CTNNA2: variants seen among roughly 807,000 people sequenced by gnomAD.
CTNNA2 encodes the protein catenin alpha 2.
A neutral mutation model predicts 101.0 loss-of-function variants in CTNNA2; 42 were observed. The observed-to-expected ratio is 0.42, with a 90% CI of 0.32 to 0.54. The LOEUF (loss-of-function observed/expected upper bound fraction) is 0.54. Among genes scored for constraint, CTNNA2 ranks in the 20% least tolerant of loss-of-function variants. The probability of loss-of-function intolerance (pLI) is 0.14; values close to 1 mark genes in which losing one functional copy is unlikely to be tolerated. For synonymous variants in CTNNA2, 450 were observed against 456.4 expected (o/e 0.99, Z 0.18); for missense variants, 871 against 1,223.1 (o/e 0.71, Z 4.29).
At chr2:79,357,487 G>A (rs1385224643) in intron 3 of CTNNA2, among the ~76,000 whole-genome samples, 1 of 151,894 alleles carries the variant, frequency 6.6e-6, no homozygotes, top group African/African-American at 2.4e-5. Flanking sequence ...AGACATATAG[G>A]GCAAGGTGAA....
chr2:79,763,661 T>C (rs1200720463), intron 3 of CTNNA2, among the ~76,000 whole-genome samples: 1 of 152,222 alleles, frequency 6.6e-6, no homozygotes, highest in Non-Finnish European at 1.5e-5. Flanking sequence ...TATGATCTGG[T>C]AATATCATCC....
At chr2:80,163,613 T>C (rs569536280) in intron 7 of CTNNA2, among the ~76,000 whole-genome samples, 18 of 152,268 alleles carry the variant, frequency 1.2e-4, no homozygotes, top group African/African-American at 4.3e-4. Flanking sequence ...AAGTGTTGGC[T>C]ATATCCTAAT....
intron 7 of CTNNA2, among the ~76,000 whole-genome samples, chr2:80,216,162 C>T (rs1165199930): frequency 2.0e-5 from 3 of 152,180 alleles, no homozygotes; most frequent in Non-Finnish European, 4.4e-5. Flanking sequence ...CCGTCTGTCA[C>T]GGCTTCCCTT....
chr2:80,083,865 T>G (rs1699293933), intron 7 of CTNNA2, among the ~76,000 whole-genome samples: 1 of 152,184 alleles, frequency 6.6e-6, no homozygotes, highest in Non-Finnish European at 1.5e-5. Context: ...GAAATTACTT[T>G]GTGAGGTATG....
intron 2 of CTNNA2, among the ~76,000 whole-genome samples, chr2:79,664,872 C>T (rs1316664769): frequency 2.6e-5 from 4 of 151,736 alleles, no homozygotes; most frequent in African/African-American, 7.3e-5. Flanking sequence ...CCAACACGCC[C>T]GGCTAATTTT....
At chr2:79,882,460 CA>C in intron 6 of CTNNA2, among the ~76,000 whole-genome samples, 1 of 152,324 alleles carries the variant, frequency 6.6e-6, no homozygotes, top group East Asian at 1.9e-4. Context: ...ATGGATGGGT[CA>C]GGCTCAGGCC....
intron 3 of CTNNA2, among the ~76,000 whole-genome samples, chr2:79,313,815 GGT>G (rs1466695627): frequency 6.6e-6 from 1 of 152,054 alleles, no homozygotes. Context: ...CAGGGATTGG[GGT>G]GTGTGTGTTT....
rs200314564 is a variant in CTNNA2, at chr2:79,814,640, T to C, written c.299-43373T>C. On this transcript the variant is annotated intron_variant, in intron 3 of 18. Transcript: ENST00000402739. ...ACACACACACACACACACACACACA[T>C]ATATATATATATCACAGTTTCTTTA... 7.9e-3 allele frequency among the ~76,000 whole-genome samples: 757 copies of C among 95,706 alleles called. 5 individuals are homozygous for C. Among genetic ancestry groups the C allele is most frequent in the East Asian group, 0.054 (137 of 2,536 alleles). 62.8% of individuals were successfully genotyped at this position (95,706 alleles called of 152,430 possible).
At chr2:79,459,569 A>T (rs1412218434) in intron 4 of CTNNA2, among the ~76,000 whole-genome samples, 1 of 152,188 alleles carries the variant, frequency 6.6e-6, no homozygotes, top group Admixed American at 6.5e-5. Flanking sequence ...ACATTTTAGG[A>T]ATGAGACATC....
At chr2:79,598,030 C>T (rs1677313105) in intron 1 of CTNNA2, among the ~76,000 whole-genome samples, 1 of 152,182 alleles carries the variant, frequency 6.6e-6, no homozygotes, top group Admixed American at 6.5e-5. Context: ...TATGGAATGT[C>T]ATACAGTTAA....
intron 3 of CTNNA2, among the ~76,000 whole-genome samples, chr2:79,335,396 G>T (rs1676972141): frequency 6.6e-6 from 1 of 152,176 alleles, no homozygotes; most frequent in Non-Finnish European, 1.5e-5. Context: ...CAGATCTAGA[G>T]GTCACATCGT....
intron 2 of CTNNA2, among the ~76,000 whole-genome samples, chr2:79,656,879 G>A (rs540591357): frequency 6.6e-6 from 1 of 151,778 alleles, no homozygotes; most frequent in African/African-American, 2.4e-5. Context: ...AACACTCTTA[G>A]ATAACTCTTA....
chr2:79,642,223 GT>G (rs1157958952), intron 1 of CTNNA2, among the ~76,000 whole-genome samples: 2 of 152,184 alleles, frequency 1.3e-5, no homozygotes, highest in Non-Finnish European at 2.9e-5. Context: ...TTCTTTGAGT[GT>G]TTTGTTAAAA....
intron 7 of CTNNA2, among the ~76,000 whole-genome samples, chr2:80,076,549 C>G (rs1472368976): frequency 1.3e-5 from 2 of 151,484 alleles, no homozygotes; most frequent in Non-Finnish European, 2.9e-5. Context: ...TCCCAAATTT[C>G]TGGGATTACA....
chr2:80,591,767 C>T (rs1364562101), intron 15 of CTNNA2, among the ~76,000 whole-genome samples: 1 of 152,066 alleles, frequency 6.6e-6, no homozygotes, highest in East Asian at 1.9e-4. Flanking sequence ...TTATTCTTAT[C>T]ACTAGCTAAT....
intron 7 of CTNNA2, among the ~76,000 whole-genome samples, chr2:80,387,580 G>A (rs1460815922): frequency 1.3e-5 from 2 of 152,086 alleles, no homozygotes; most frequent in Non-Finnish European, 2.9e-5. Flanking sequence ...TTCTTTTTCT[G>A]AAGATTAATT....
At chr2:79,415,876 A>T (rs1327954423) in intron 4 of CTNNA2, among the ~76,000 whole-genome samples, 1 of 152,162 alleles carries the variant, frequency 6.6e-6, no homozygotes, top group Admixed American at 6.6e-5. Flanking sequence ...CAGTCTTACA[A>T]TTGGGGAAGT....
At chr2:80,161,514 C>T (rs958830268) in intron 7 of CTNNA2, among the ~76,000 whole-genome samples, 3 of 151,832 alleles carry the variant, frequency 2.0e-5, no homozygotes, top group Non-Finnish European at 4.4e-5. Flanking sequence ...AATTAGAAAA[C>T]GTTAAGATTA....
In CTNNA2 at chr2:80,648,741, T is replaced by A. The variant is rs1218011355; in HGVS notation, c.*869T>A. The A allele has an allele frequency of 6.6e-6, 1 of 152,136 alleles. No homozygotes were observed. Among genetic ancestry groups the A allele is most frequent in the East Asian group, 1.9e-4 (1 of 5,184 alleles). 9.4% of individuals were successfully genotyped at this position (152,136 alleles called of 1,614,324 possible). On this transcript the variant is annotated 3_prime_UTR_variant, in exon 19 of 19. Coordinates refer to ENST00000402739, the MANE Select transcript of CTNNA2 (RefSeq NM_001282597.3). ...AGTGCTGGTATCTAATATACCATTG[T>A]ATTCACTAACTAACTCAAAATAAAC...
Sources: allele counts gnomAD v4.1 joint callset (sites outside exome capture counted in the v4.1 genomes callset), GRCh38; gene constraint gnomAD v4.1.1; transcripts MANE v1.5; gene names NCBI Gene and HGNC (gene_info 2026-07-23, HGNC 2026-07-21).